CSGALNACT1: variants seen among roughly 807,000 people sequenced by gnomAD.
CSGALNACT1 encodes the protein beta4GalNAcT-1.
In CSGALNACT1, 52 loss-of-function variants were observed where a neutral mutation model predicts 51.0. The ratio of observed to expected loss-of-function variants is 1.02; its 90% CI spans 0.82 to 1.29. CSGALNACT1 has a LOEUF of 1.29. Among genes scored for constraint, CSGALNACT1 ranks in the 50% most tolerant of loss-of-function variants. CSGALNACT1 has a pLI of 0.00. For synonymous variants in CSGALNACT1, 341 were observed against 254.4 expected (o/e 1.34, Z -3.24); for missense variants, 935 against 679.2 (o/e 1.38, Z -4.19).
chr8:19,483,755 T>G (rs1350490466), intron 4 of CSGALNACT1, among the ~76,000 whole-genome samples: 2 of 152,180 alleles, frequency 1.3e-5, no homozygotes, highest in African/African-American at 4.8e-5. Flanking sequence ...AAACTCTCAT[T>G]TCTTCATCTT....
intron 1 of CSGALNACT1, among the ~76,000 whole-genome samples, chr8:19,753,662 T>C: frequency 6.6e-6 from 1 of 152,164 alleles, no homozygotes; most frequent in East Asian, 1.9e-4. Flanking sequence ...CACCTGGGTC[T>C]AACTGTTTCT....
intron 1 of CSGALNACT1, among the ~76,000 whole-genome samples, chr8:19,619,637 G>A (rs1264538926): frequency 2.0e-5 from 3 of 152,084 alleles, no homozygotes; most frequent in Non-Finnish European, 2.9e-5. Flanking sequence ...TGTCACATAG[G>A]GTAAGGAAGA....
chr8:19,503,956 CAGG>C (rs1188658684), intron 4 of CSGALNACT1, among the ~76,000 whole-genome samples: 1 of 152,160 alleles, frequency 6.6e-6, no homozygotes, highest in Non-Finnish European at 1.5e-5. Context: ...TGAACAGCAG[CAGG>C]AGGCTTTTTG....
chr8:19,673,536 C>T (rs1455377462), intron 1 of CSGALNACT1, among the ~76,000 whole-genome samples: 1 of 152,178 alleles, frequency 6.6e-6, no homozygotes, highest in African/African-American at 2.4e-5. Context: ...CTTCAAGATG[C>T]ACCACAGGAG....
chr8:19,560,043 G>C (rs187279089), intron 3 of CSGALNACT1, among the ~76,000 whole-genome samples: 2 of 152,132 alleles, frequency 1.3e-5, no homozygotes, highest in African/African-American at 4.8e-5. Flanking sequence ...ATAGACAAAC[G>C]GCACTGACTA....
chr8:19,601,615 T>C (rs1358289236), intron 2 of CSGALNACT1, among the ~76,000 whole-genome samples, 156 bp downstream of exon 2: 1 of 152,226 alleles, frequency 6.6e-6, no homozygotes, highest in East Asian at 1.9e-4. Context: ...AATTGTATTA[T>C]TTTGGAAGAA....
upstream of CSGALNACT1, chr8:19,682,762 G>T (rs750354589): frequency 2.2e-6 from 1 of 454,016 alleles, no homozygotes; most frequent in South Asian, 1.6e-5. Flanking sequence ...GAACAAGCCC[G>T]TCTGCCCAAG....
chr8:19,506,382 G>C (rs932358236), intron 3 of CSGALNACT1, among the ~76,000 whole-genome samples: 3 of 152,252 alleles, frequency 2.0e-5, no homozygotes, highest in Non-Finnish European at 4.4e-5. Context: ...ATTCTCTCCA[G>C]ATGGAAAGAT....
intron 3 of CSGALNACT1, among the ~76,000 whole-genome samples, chr8:19,553,639 A>ATATATAT (rs869251447): frequency 3.2e-5 from 4 of 126,608 alleles, no homozygotes; most frequent in African/African-American, 6.3e-5. Flanking sequence ...ATATATATAT[A>ATATATAT]AAAAAATATG....
intron 1 of CSGALNACT1, among the ~76,000 whole-genome samples, chr8:19,744,947 A>G (rs1353828251): frequency 2.6e-5 from 4 of 152,208 alleles, no homozygotes; most frequent in African/African-American, 4.8e-5. Context: ...TCCAAATACA[A>G]TGTAAACACA....
intron 1 of CSGALNACT1, among the ~76,000 whole-genome samples, chr8:19,670,952 A>G (rs2059756684): frequency 6.6e-6 from 1 of 152,222 alleles, no homozygotes; most frequent in Admixed American, 6.5e-5. Context: ...GGACAAGGCC[A>G]GAGTAGTTAC....
At chr8:19,428,740 G>A (rs2059169856) in intron 6 of CSGALNACT1, among the ~76,000 whole-genome samples, 1 of 152,026 alleles carries the variant, frequency 6.6e-6, no homozygotes, top group African/African-American at 2.4e-5. Flanking sequence ...GTTCCACAGA[G>A]GGAAAGTATG....
At chr8:19,505,985 T>C (rs781556959) in exon 4 of CSGALNACT1, 8 of 845,436 alleles carry the variant, frequency 9.5e-6, no homozygotes, top group Admixed American at 2.0e-5. Flanking sequence ...GTTCTGCCTC[T>C]TGGAGTTAAC....
chr8:19,438,676 G>A lies in CSGALNACT1; in HGVS notation c.953+1154C>T, dbSNP rs1586016887. Among the ~76,000 whole-genome samples, 3 of 152,144 alleles carry A rather than the reference G, an allele frequency of 2.0e-5. No homozygotes were observed. The South Asian group carries it at 6.2e-4, about 32-fold the overall frequency. ...CTCAGCTGCACAGCTGTAGACAAAG[G>A]CAGCCACAAATAATATGTAAACAAA... On this transcript the variant is annotated intron_variant, in intron 6 of 9. Transcript: ENST00000454498.
intron 1 of CSGALNACT1, among the ~76,000 whole-genome samples, chr8:19,715,997 G>T (rs1401418799): frequency 6.6e-6 from 1 of 152,180 alleles, no homozygotes; most frequent in East Asian, 1.9e-4. Flanking sequence ...ATCCATGCTT[G>T]TCAGCCTTGT....
At chr8:19,451,687 G>A (rs910664404) in intron 5 of CSGALNACT1, among the ~76,000 whole-genome samples, 4 of 152,078 alleles carry the variant, frequency 2.6e-5, no homozygotes, top group African/African-American at 9.7e-5. Flanking sequence ...GCTCTTTCTT[G>A]GGAATTCCAG....
intron 1 of CSGALNACT1, among the ~76,000 whole-genome samples, chr8:19,650,060 T>G (rs55982793): frequency 6.6e-6 from 1 of 152,112 alleles, no homozygotes; most frequent in East Asian, 1.9e-4. Context: ...CAAACTTTCA[T>G]GTGTATGATG....
intron 1 of CSGALNACT1, among the ~76,000 whole-genome samples, chr8:19,708,600 C>A (rs934959382): frequency 3.3e-5 from 5 of 152,056 alleles, no homozygotes; most frequent in East Asian, 1.9e-4. Flanking sequence ...ATGTGTGAAC[C>A]CTTCCATTAA....
At chr8:19,538,486 TG>T (rs1470432934) in intron 3 of CSGALNACT1, among the ~76,000 whole-genome samples, 2 of 151,998 alleles carry the variant, frequency 1.3e-5, no homozygotes, top group Non-Finnish European at 2.9e-5. Context: ...GGAATGAGAA[TG>T]GGGGCAACAA....
Sources: gnomAD v4.1 joint callset for allele counts (sites outside exome capture counted in the v4.1 genomes callset) on GRCh38, gnomAD v4.1.1 for gene constraint, MANE v1.5 for transcripts, NCBI Gene and HGNC (gene_info 2026-07-23, HGNC 2026-07-21) for gene names.